CALCR: variants seen among roughly 807,000 people sequenced by gnomAD.
The protein encoded by CALCR is calcitonin receptor.
CALCR carries 47 observed loss-of-function variants against 59.5 expected under a neutral mutation model. The observed-to-expected ratio is 0.79, with a 90% CI of 0.63 to 1.01. CALCR has a LOEUF of 1.01. Ranked by LOEUF, CALCR falls within the 50% of genes least tolerant of loss-of-function variation. The probability of loss-of-function intolerance (pLI) is 0.00; values close to 1 mark genes in which losing one functional copy is unlikely to be tolerated. For missense variants in CALCR, 566 were observed against 597.1 expected, an observed-to-expected ratio of 0.95 and a Z score of 0.54; for synonymous variants, 213 against 211.3, an observed-to-expected ratio of 1.01 and a Z score of -0.07.
intron 3 of CALCR, among the ~76,000 whole-genome samples, chr7:93,481,777 A>G (rs2115901577): frequency 6.6e-6 from 1 of 152,038 alleles, no homozygotes; most frequent in South Asian, 2.1e-4. Context: ...ATGTCTCTTG[A>G]ATTTATGTCA....
chr7:93,470,807 G>A (rs1021081553), intron 6 of CALCR, among the ~76,000 whole-genome samples: 1 of 148,928 alleles, frequency 6.7e-6, no homozygotes, highest in African/African-American at 2.5e-5. Flanking sequence ...TAAGTTTTAG[G>A]GTACATGTGC....
At chr7:93,560,031 C>T (rs1198586117) in intron 2 of CALCR, among the ~76,000 whole-genome samples, 1 of 151,974 alleles carries the variant, frequency 6.6e-6, no homozygotes, top group Non-Finnish European at 1.5e-5. Flanking sequence ...ATTTAAAATC[C>T]AACTCTCTGA....
Position 93,494,800 on chromosome 7 carries a change from A to G in CALCR, c.-26-7793T>C, listed in dbSNP as rs1379660388. ...GTTTGAGAGAGAAAAGCAGGCAAGG[A>G]AGAGTAGAATCAGGCTGAAGAATGA... On this transcript the variant is annotated intron_variant, in intron 2 of 13. Transcript: ENST00000426151. 2.0e-5 allele frequency among the ~76,000 whole-genome samples: 3 copies of G among 151,566 alleles called. No homozygotes were observed. In the East Asian group the frequency reaches 5.8e-4, roughly 29 times the overall value.
intron 7 of CALCR, among the ~76,000 whole-genome samples, chr7:93,467,189 C>T (rs1800457720): frequency 6.6e-6 from 1 of 151,730 alleles, no homozygotes; most frequent in African/African-American, 2.4e-5. Context: ...CAAGATTAAT[C>T]ATGTTATGTG....
intron 2 of CALCR, among the ~76,000 whole-genome samples, chr7:93,523,056 G>T (rs1288061124): frequency 6.6e-6 from 1 of 152,094 alleles, no homozygotes; most frequent in Non-Finnish European, 1.5e-5. Flanking sequence ...CTTTGAAATA[G>T]AATAGAATAT....
At chr7:93,506,891 C>T (rs531105621) in intron 2 of CALCR, among the ~76,000 whole-genome samples, 2 of 152,124 alleles carry the variant, frequency 1.3e-5, no homozygotes, top group Admixed American at 6.6e-5. Flanking sequence ...TTTTCTCATT[C>T]GATTCTCATA....
intron 2 of CALCR, among the ~76,000 whole-genome samples, chr7:93,534,742 G>A (rs953538014): frequency 6.6e-6 from 1 of 151,596 alleles, no homozygotes; most frequent in Non-Finnish European, 1.5e-5. Context: ...TCATTTTCCA[G>A]TCAAATCATT....
intron 3 of CALCR, among the ~76,000 whole-genome samples, chr7:93,485,795 G>A (rs1479124032): frequency 6.6e-6 from 1 of 151,302 alleles, no homozygotes; most frequent in Non-Finnish European, 1.5e-5. Flanking sequence ...TTTATCTAAA[G>A]AAATATTTAA....
intron 7 of CALCR, among the ~76,000 whole-genome samples, chr7:93,467,457 T>G (rs1800463393): frequency 6.6e-6 from 1 of 151,752 alleles, no homozygotes; most frequent in South Asian, 2.1e-4. Context: ...ATAGTACTTG[T>G]ACTAAGGATG....
Position 93,498,050 on chromosome 7 carries a change from T to G in CALCR, c.-26-11043A>C, listed in dbSNP as rs1474693645. Reference sequence around the variant, plus strand: ...TGAAAAGTTACTGGTCACGTTTTTGTCAGAATTTCTACTCTAAGACCCATC... The same window carrying G: ...TGAAAAGTTACTGGTCACGTTTTTGGCAGAATTTCTACTCTAAGACCCATC... On this transcript the variant is annotated intron_variant, in intron 2 of 13. Coordinates refer to ENST00000426151, the MANE Select transcript of CALCR (RefSeq NM_001742.4). 2.0e-5 allele frequency among the ~76,000 whole-genome samples: 3 copies of G among 151,786 alleles called. No homozygotes were observed. The East Asian group carries it at 5.8e-4, about 30-fold the overall frequency.
intron 8 of CALCR, among the ~76,000 whole-genome samples, chr7:93,455,232 T>C (rs1021486227): frequency 1.3e-5 from 2 of 151,986 alleles, no homozygotes. Context: ...TTGTGGGTTT[T>C]TTTTGAAGAA....
At chr7:93,437,455 C>CT (rs1263822821) in intron 11 of CALCR, among the ~76,000 whole-genome samples, 1 of 151,930 alleles carries the variant, frequency 6.6e-6, no homozygotes, top group Non-Finnish European at 1.5e-5. Flanking sequence ...TAACTTTTCC[C>CT]TTAAAAAAAT....
At chr7:93,457,001 G>A (rs1016840779) in intron 8 of CALCR, among the ~76,000 whole-genome samples, 9 of 152,158 alleles carry the variant, frequency 5.9e-5, no homozygotes, top group African/African-American at 2.2e-4. Context: ...TACAGGAGCT[G>A]CAGGGCATAT....
chr7:93,460,572 A>AAT (rs57481670), intron 8 of CALCR, among the ~76,000 whole-genome samples: 1,280 of 66,472 alleles, frequency 0.019, 11 homozygotes, highest in Non-Finnish European at 0.023. Context: ...AAAAAAAAAA[A>AAT]ATATATATAT....
chr7:93,438,751 C>T (rs1194886487), intron 9 of CALCR, among the ~76,000 whole-genome samples: 1 of 152,020 alleles, frequency 6.6e-6, no homozygotes, highest in African/African-American at 2.4e-5. Flanking sequence ...TTTTGTTTTT[C>T]TGTCTGTTTA....
At chr7:93,521,984 G>C (rs1008352286) in intron 2 of CALCR, among the ~76,000 whole-genome samples, 4 of 151,950 alleles carry the variant, frequency 2.6e-5, no homozygotes, top group Non-Finnish European at 5.9e-5. Flanking sequence ...AGTGAATTCC[G>C]TTTCCCTTTC....
chr7:93,471,044 C>G (rs890746089), intron 6 of CALCR, among the ~76,000 whole-genome samples: 27 of 150,696 alleles, frequency 1.8e-4, no homozygotes, highest in African/African-American at 6.3e-4. Flanking sequence ...TTTGTTCTTG[C>G]GATAGTTTAC....
intron 9 of CALCR, 98 bp from the exon 10 acceptor site, chr7:93,438,368 C>A: frequency 1.2e-6 from 1 of 862,188 alleles, no homozygotes; most frequent in Non-Finnish European, 2.0e-6. Context: ...AAAATACTGG[C>A]AAATTGAGTG....
chr7:93,545,287 C>T (rs1211195580), intron 2 of CALCR, among the ~76,000 whole-genome samples: 1 of 151,944 alleles, frequency 6.6e-6, no homozygotes, highest in Non-Finnish European at 1.5e-5. Context: ...AAATCCTGTC[C>T]TCTGGCTGTA....
Sources: allele counts gnomAD v4.1 joint callset (sites outside exome capture counted in the v4.1 genomes callset), GRCh38; gene constraint gnomAD v4.1.1; transcripts MANE v1.5; gene names NCBI Gene and HGNC (gene_info 2026-07-23, HGNC 2026-07-21).